Variants in DOCK3 observed in about 807,000 individuals in gnomAD.
DOCK3 encodes the protein dedicator of cytokinesis 3, also known as dedicator of cytokinesis protein 3.
Under a neutral mutation model 265.6 loss-of-function variants are expected in DOCK3, and 60 were observed. That is an observed-to-expected ratio of 0.23 (90% CI 0.18 to 0.28). The LOEUF is 0.28. Among genes scored for constraint, DOCK3 ranks in the 10% least tolerant of loss-of-function variants. The pLI is 1.00. For missense variants in DOCK3, 1,981 were observed against 2,594.3 expected, an observed-to-expected ratio of 0.76 and a Z score of 5.14; for synonymous variants, 881 against 938.0, an observed-to-expected ratio of 0.94 and a Z score of 1.11.
At chr3:50,814,433 ATT>A (rs11362223) in intron 2 of DOCK3, among the ~76,000 whole-genome samples, 57 of 148,946 alleles carry the variant, frequency 3.8e-4, no homozygotes, top group Non-Finnish European at 3.0e-4. Context: ...TGCCAGACTA[ATT>A]TTTTTTTTTT....
chr3:51,182,726 G>A (rs1324718295), intron 12 of DOCK3, among the ~76,000 whole-genome samples: 1 of 152,182 alleles, frequency 6.6e-6, no homozygotes, highest in African/African-American at 2.4e-5. Context: ...TATTGCCCTG[G>A]ATGTTAAGCT....
intron 37 of DOCK3, 33 bp downstream of exon 37, chr3:51,339,061 C>T (rs572518389): frequency 6.6e-7 from 1 of 1,513,314 alleles, no homozygotes; most frequent in Admixed American, 2.1e-5. Flanking sequence ...CATGCCTGAC[C>T]ATGAGGACAA....
At chr3:51,065,804 ATTC>A (rs1301931000) in intron 6 of DOCK3, among the ~76,000 whole-genome samples, 1 of 152,166 alleles carries the variant, frequency 6.6e-6, no homozygotes, top group Non-Finnish European at 1.5e-5. Flanking sequence ...AAACTCTACA[ATTC>A]TTCTGCTATC....
At chr3:51,203,268 C>T (rs1257732301) in intron 12 of DOCK3, among the ~76,000 whole-genome samples, 1 of 151,952 alleles carries the variant, frequency 6.6e-6, no homozygotes, top group African/African-American at 2.4e-5. Context: ...TCTAGAAAAC[C>T]CCATTGTCTC....
chr3:51,278,558 A>T (rs537910559), intron 26 of DOCK3: 1 of 985,336 alleles, frequency 1.0e-6, no homozygotes, highest in East Asian at 1.1e-4. Flanking sequence ...GGGCTTGGAA[A>T]GAGTGTCTGC....
intron 5 of DOCK3, among the ~76,000 whole-genome samples, chr3:50,936,746 CAGA>C (rs1466569195): frequency 7.2e-5 from 11 of 152,116 alleles, no homozygotes; most frequent in Non-Finnish European, 1.3e-4. Flanking sequence ...CAACCCATAT[CAGA>C]AGGAGGAAAG....
intron 1 of DOCK3, chr3:50,719,423 C>T (rs2037339478): frequency 5.0e-6 from 3 of 600,684 alleles, no homozygotes; most frequent in South Asian, 4.1e-5. Flanking sequence ...TGGAGGGGTG[C>T]TCTCCTGAGC....
intron 5 of DOCK3, among the ~76,000 whole-genome samples, chr3:50,946,831 T>A (rs1288383491): frequency 6.6e-6 from 1 of 152,228 alleles, no homozygotes; most frequent in Non-Finnish European, 1.5e-5. Flanking sequence ...ATGATGCAGT[T>A]GCTGTCTTAT....
intron 2 of DOCK3, among the ~76,000 whole-genome samples, chr3:50,799,852 T>G (rs936055843): frequency 1.7e-4 from 26 of 152,214 alleles, no homozygotes; most frequent in African/African-American, 6.3e-4. Context: ...TATATGGCCT[T>G]TGTATATTGA....
intron 1 of DOCK3, among the ~76,000 whole-genome samples, chr3:50,775,594 C>T (rs1371887324): frequency 6.6e-6 from 1 of 151,748 alleles, no homozygotes; most frequent in East Asian, 1.9e-4. Flanking sequence ...CAGGGCGTTT[C>T]TTCTTATTTT....
chr3:50,726,700 A>G (rs2037852351), intron 1 of DOCK3, among the ~76,000 whole-genome samples: 1 of 152,208 alleles, frequency 6.6e-6, no homozygotes, highest in Non-Finnish European at 1.5e-5. Context: ...TTAAGTGATC[A>G]CAGCACAAAG....
At chr3:50,871,828 C>T (rs760480255) in intron 3 of DOCK3, among the ~76,000 whole-genome samples, 6 of 152,178 alleles carry the variant, frequency 3.9e-5, no homozygotes, top group Non-Finnish European at 7.3e-5. Flanking sequence ...GACTCTGGTG[C>T]ATTATTCAGT....
chr3:50,854,512 C>T (rs2046489030), intron 3 of DOCK3, among the ~76,000 whole-genome samples: 1 of 144,942 alleles, frequency 6.9e-6, no homozygotes, highest in South Asian at 2.2e-4. Context: ...CTCATTGAAG[C>T]CTTGAACTCC....
At chr3:51,034,571 C>A (rs2080182223) in intron 5 of DOCK3, among the ~76,000 whole-genome samples, 1 of 152,086 alleles carries the variant, frequency 6.6e-6, no homozygotes, top group Non-Finnish European at 1.5e-5. Flanking sequence ...TCTATTAAAT[C>A]TTTATATATC....
intron 40 of DOCK3, among the ~76,000 whole-genome samples, chr3:51,351,035 G>C (rs1485849942): frequency 6.6e-6 from 1 of 152,198 alleles, no homozygotes; most frequent in Non-Finnish European, 1.5e-5. Context: ...AATATAAAAA[G>C]AGTGGAAAGG....
At chr3:51,207,170 G>A (rs558719925) in intron 12 of DOCK3, among the ~76,000 whole-genome samples, 1 of 152,200 alleles carries the variant, frequency 6.6e-6, no homozygotes, top group African/African-American at 2.4e-5. Context: ...AATACGTAAG[G>A]GGTATGCAAG....
intron 9 of DOCK3, among the ~76,000 whole-genome samples, chr3:51,109,468 G>C (rs1425817556): frequency 2.0e-5 from 3 of 151,976 alleles, no homozygotes; most frequent in Non-Finnish European, 4.4e-5. Context: ...AACTAGAAAA[G>C]CAAGAGCAAA....
intron 3 of DOCK3, chr3:50,877,327 C>T: frequency 5.0e-6 from 2 of 400,926 alleles, no homozygotes; most frequent in South Asian, 1.9e-5. Flanking sequence ...TTTTCTTGGC[C>T]CTCAGTTGAA....
intron 4 of DOCK3, among the ~76,000 whole-genome samples, chr3:50,932,855 C>T (rs543959605): frequency 6.6e-6 from 1 of 152,296 alleles, no homozygotes; most frequent in South Asian, 2.1e-4. Context: ...TAAAATCTTT[C>T]ATTGTACTTG....
Sources: allele counts gnomAD v4.1 joint callset (sites outside exome capture counted in the v4.1 genomes callset), GRCh38; gene constraint gnomAD v4.1.1; transcripts MANE v1.5; gene names NCBI Gene and HGNC (gene_info 2026-07-23, HGNC 2026-07-21).